The following PRIM2 variants were observed in gnomAD, a reference collection of about 807,000 sequenced individuals.
PRIM2 encodes DNA primase large subunit.
PRIM2 carries 39 observed loss-of-function variants against 67.3 expected under a neutral mutation model. The observed-to-expected ratio is 0.58, with a 90% CI of 0.45 to 0.76. The LOEUF (loss-of-function observed/expected upper bound fraction) is 0.76. Among genes scored for constraint, PRIM2 ranks in the 30% least tolerant of loss-of-function variants. The pLI, the probability that PRIM2 is intolerant of heterozygous loss-of-function variation, is 0.00. For synonymous variants in PRIM2, 143 were observed against 198.7 expected (o/e 0.72, Z 2.36); for missense variants, 398 against 598.7 (o/e 0.66, Z 3.50).
chr6:57,371,149 T>C (rs1443563988), intron 5 of PRIM2, among the ~76,000 whole-genome samples: 3 of 150,500 alleles, frequency 2.0e-5, no homozygotes, highest in African/African-American at 7.3e-5. Context: ...TTTTCAAAAT[T>C]ATATCTTGTA....
chr6:57,596,910 A>G (rs1455029999), intron 10 of PRIM2, among the ~76,000 whole-genome samples: 2 of 152,214 alleles, frequency 1.3e-5, no homozygotes, highest in African/African-American at 2.4e-5. Context: ...GTGTAAACTT[A>G]CAATGATTTG....
At chr6:57,643,284 T>G (rs2127502527) in intron 13 of PRIM2, among the ~76,000 whole-genome samples, 1 of 152,372 alleles carries the variant, frequency 6.6e-6, no homozygotes, top group African/African-American at 2.4e-5. Context: ...TTCTAATCTT[T>G]GTAGCCAAGT....
intron 7 of PRIM2, among the ~76,000 whole-genome samples, chr6:57,494,281 A>C (rs1773958351): frequency 6.6e-6 from 1 of 152,186 alleles, no homozygotes; most frequent in Admixed American, 6.5e-5. Context: ...CATTTTGGGC[A>C]GTCAGAAGAA....
the PRIM2 span, among the ~76,000 whole-genome samples, chr6:57,286,206 C>T: frequency 1.2e-3 from 188 of 152,236 alleles, 2 homozygotes; most frequent in Non-Finnish European, 1.7e-3. Context: ...AGATTCAATG[C>T]TATCCCCATC....
At chr6:57,507,732 C>A (rs1328781318) in intron 8 of PRIM2, among the ~76,000 whole-genome samples, 2 of 151,938 alleles carry the variant, frequency 1.3e-5, no homozygotes, top group African/African-American at 2.4e-5. Flanking sequence ...ACAGAAAGAT[C>A]TCAAATGAAT....
chr6:57,524,884 A>T (rs1257305671), intron 8 of PRIM2, among the ~76,000 whole-genome samples: 40 of 152,222 alleles, frequency 2.6e-4, no homozygotes, highest in Non-Finnish European at 4.4e-5. Context: ...TATTATATGT[A>T]CACTTAGGTG....
intron 5 of PRIM2, among the ~76,000 whole-genome samples, chr6:57,376,265 C>G (rs1769761592): frequency 6.6e-6 from 1 of 152,114 alleles, no homozygotes; most frequent in Admixed American, 6.5e-5. Context: ...CCAACCACCT[C>G]AGCCTCCCAA....
rs1378455484 is a variant in PRIM2, at chr6:57,589,318, C to G, written c.1021-11775C>G. On this transcript the variant is annotated intron_variant, in intron 10 of 13. Coordinates refer to ENST00000615550, the MANE Select transcript of PRIM2 (RefSeq NM_000947.5). ...TTTAAATGTTCTCTCTTCTATTAGC[C>G]TCACTTGGCAACAGGTACTGGCTGA... Among the ~76,000 whole-genome samples the G allele has an allele frequency of 7.1e-4, 108 of 152,236 alleles. 3 individuals are homozygous for G. The East Asian group carries it at 0.017, about 25-fold the overall frequency.
intron 5 of PRIM2, among the ~76,000 whole-genome samples, chr6:57,345,477 T>TGG: frequency 1.4e-5 from 1 of 71,686 alleles, no homozygotes; most frequent in Non-Finnish European, 2.8e-5. Flanking sequence ...TATATATATG[T>TGG]GTGTGTGTGT....
At chr6:57,342,365 T>G (rs1768522504) in intron 5 of PRIM2, among the ~76,000 whole-genome samples, 2 of 152,328 alleles carry the variant, frequency 1.3e-5, no homozygotes, top group African/African-American at 4.8e-5. Context: ...ACTGCTGAGT[T>G]GATTGACTTA....
chr6:57,453,442 TG>T (rs1405958362), intron 7 of PRIM2, among the ~76,000 whole-genome samples: 2 of 152,190 alleles, frequency 1.3e-5, no homozygotes, highest in Non-Finnish European at 2.9e-5. Flanking sequence ...TCCATTTGTT[TG>T]TATCCTCTTT....
chr6:57,618,977 T>G (rs1776803915), intron 12 of PRIM2, among the ~76,000 whole-genome samples: 1 of 152,294 alleles, frequency 6.6e-6, no homozygotes. Context: ...AGCACAAAAA[T>G]GGAGCATTAA....
At chr6:57,611,710 AC>A (rs1464545418) in intron 12 of PRIM2, among the ~76,000 whole-genome samples, 3 of 152,154 alleles carry the variant, frequency 2.0e-5, no homozygotes, top group Non-Finnish European at 4.4e-5. Flanking sequence ...TATCTGCAGG[AC>A]CTTGGGTTTG....
intron 10 of PRIM2, among the ~76,000 whole-genome samples, chr6:57,588,471 T>C (rs1167325924): frequency 2.0e-5 from 3 of 150,360 alleles, no homozygotes; most frequent in East Asian, 4.0e-4. Flanking sequence ...GTTGAGGGCA[T>C]TGGGACATTT....
intron 7 of PRIM2, among the ~76,000 whole-genome samples, chr6:57,408,914 G>A (rs1770991956): frequency 6.6e-6 from 1 of 152,102 alleles, no homozygotes; most frequent in Non-Finnish European, 1.5e-5. Context: ...GTCTCGCTGT[G>A]TTTCCCAGAC....
chr6:57,554,702 G>T (rs1259444633), intron 10 of PRIM2, among the ~76,000 whole-genome samples: 1 of 152,140 alleles, frequency 6.6e-6, no homozygotes, highest in African/African-American at 2.4e-5. Context: ...GTATATATTC[G>T]TTGGCCGAAA....
intron 11 of PRIM2, 60 bp downstream of exon 11, chr6:57,601,279 C>T (rs1329360846): frequency 4.0e-5 from 60 of 1,487,846 alleles, no homozygotes; most frequent in Non-Finnish European, 5.2e-5. Context: ...CTGTTGGAAA[C>T]ACTGAAACAA....
intron 8 of PRIM2, among the ~76,000 whole-genome samples, chr6:57,515,049 A>T (rs1774453159): frequency 6.6e-6 from 1 of 152,178 alleles, no homozygotes; most frequent in Non-Finnish European, 1.5e-5. Flanking sequence ...TCCCTCCCTA[A>T]TGCAACCAAC....
intron 5 of PRIM2, among the ~76,000 whole-genome samples, chr6:57,373,306 T>G (rs1470397882): frequency 1.3e-5 from 2 of 150,246 alleles, no homozygotes; most frequent in Admixed American, 1.3e-4. Flanking sequence ...TTTTTAATGT[T>G]TTTTTTTTTC....
Sources: gnomAD v4.1 joint callset for allele counts (sites outside exome capture counted in the v4.1 genomes callset) on GRCh38, gnomAD v4.1.1 for gene constraint, MANE v1.5 for transcripts, NCBI Gene and HGNC (gene_info 2026-07-23, HGNC 2026-07-21) for gene names.